Variants in GABRG3 observed in about 807,000 individuals in gnomAD.
The protein encoded by GABRG3 is gamma-aminobutyric acid type A receptor subunit gamma3, also known as gamma-aminobutyric acid receptor subunit gamma-3.
A neutral mutation model predicts 48.8 loss-of-function variants in GABRG3; 25 were observed. That is an observed-to-expected ratio of 0.51 (90% CI 0.37 to 0.72). The LOEUF is 0.72. Among genes scored for constraint, GABRG3 ranks in the 30% least tolerant of loss-of-function variants. GABRG3 has a pLI of 0.00. For synonymous variants in GABRG3, 227 were observed against 217.6 expected (o/e 1.04, Z -0.38); for missense variants, 394 against 577.9 (o/e 0.68, Z 3.26).
intron 3 of GABRG3, among the ~76,000 whole-genome samples, chr15:27,308,414 A>T (rs932653240): frequency 6.8e-6 from 1 of 146,454 alleles, no homozygotes. Context: ...ACATATATAA[A>T]CATGTAATGT....
At chr15:27,451,702 C>G in intron 5 of GABRG3, among the ~76,000 whole-genome samples, 1 of 152,134 alleles carries the variant, frequency 6.6e-6, no homozygotes, top group East Asian at 1.9e-4. Context: ...TTATATCAAA[C>G]TAAAAACCTG....
intron 2 of GABRG3, among the ~76,000 whole-genome samples, chr15:27,003,725 A>G (rs1378802825): frequency 1.3e-5 from 2 of 151,946 alleles, no homozygotes; most frequent in African/African-American, 2.4e-5. Flanking sequence ...CCCGTTCTCA[A>G]TGAGCTGTTG....
chr15:27,349,015 G>A (rs1036138896), intron 5 of GABRG3, among the ~76,000 whole-genome samples: 15 of 152,178 alleles, frequency 9.9e-5, no homozygotes, highest in African/African-American at 3.1e-4. Flanking sequence ...GACAGTTGGT[G>A]TCAGATGGTT....
chr15:27,443,669 T>C (rs1282117084), intron 5 of GABRG3, among the ~76,000 whole-genome samples: 3 of 152,188 alleles, frequency 2.0e-5, no homozygotes, highest in Non-Finnish European at 4.4e-5. Flanking sequence ...CTTTCTAGAA[T>C]GTCCAGCATA....
intron 6 of GABRG3, among the ~76,000 whole-genome samples, chr15:27,510,481 G>T (rs1237702759): frequency 6.6e-6 from 1 of 152,122 alleles, no homozygotes; most frequent in Admixed American, 6.5e-5. Flanking sequence ...GCTTCACAGG[G>T]GACACAATGA....
intron 3 of GABRG3, among the ~76,000 whole-genome samples, chr15:27,110,367 C>A (rs1435122247): frequency 1.3e-5 from 2 of 152,066 alleles, no homozygotes; most frequent in Non-Finnish European, 2.9e-5. Flanking sequence ...TATACTAATA[C>A]ATTGTTACTG....
chr15:27,523,344 T>A (rs1891201026), intron 7 of GABRG3, among the ~76,000 whole-genome samples: 1 of 151,772 alleles, frequency 6.6e-6, no homozygotes, highest in African/African-American at 2.4e-5. Flanking sequence ...TCTCCTCTTT[T>A]TATGCATTTG....
intron 5 of GABRG3, among the ~76,000 whole-genome samples, chr15:27,425,475 G>T (rs887502692): frequency 6.6e-6 from 1 of 150,708 alleles, no homozygotes; most frequent in Non-Finnish European, 1.5e-5. Context: ...AATAGGCGTG[G>T]TGGTGGGCGC....
intron 3 of GABRG3, among the ~76,000 whole-genome samples, chr15:27,226,021 G>A (rs929721309): frequency 3.6e-4 from 55 of 152,180 alleles, no homozygotes; most frequent in African/African-American, 1.3e-3. Flanking sequence ...GCAGGCACAG[G>A]CACAGAAATG....
chr15:27,078,185 C>T (rs1291384958), intron 3 of GABRG3, among the ~76,000 whole-genome samples: 1 of 152,130 alleles, frequency 6.6e-6, no homozygotes, highest in Non-Finnish European at 1.5e-5. Flanking sequence ...GACTAGGCTT[C>T]CCCAATGTGA....
intron 5 of GABRG3, among the ~76,000 whole-genome samples, chr15:27,403,914 C>CAAAAAAAAAAA (rs528760544): frequency 3.5e-4 from 24 of 68,202 alleles, no homozygotes; most frequent in African/African-American, 7.4e-4. Flanking sequence ...CAAAAAAAAA[C>CAAAAAAAAAAA]AAAAAAAAAA....
chr15:27,515,109 G>A (rs956502151), intron 6 of GABRG3, among the ~76,000 whole-genome samples: 6 of 151,382 alleles, frequency 4.0e-5, no homozygotes, highest in African/African-American at 1.2e-4. Flanking sequence ...TTGAGACGGA[G>A]TTTTGCTCTC....
intron 2 of GABRG3, among the ~76,000 whole-genome samples, chr15:26,985,348 C>CAAG (rs1895132090): frequency 6.6e-6 from 1 of 152,240 alleles, no homozygotes; most frequent in Non-Finnish European, 1.5e-5. Context: ...CTGCCCGTTC[C>CAAG]TGGATGAGGA....
chr15:27,379,365 G>A (rs566950985), intron 5 of GABRG3, among the ~76,000 whole-genome samples: 19 of 152,186 alleles, frequency 1.2e-4, no homozygotes, highest in African/African-American at 2.9e-4. Flanking sequence ...TCTCCCATCC[G>A]TTACTACATT....
intron 6 of GABRG3, among the ~76,000 whole-genome samples, chr15:27,482,031 A>C (rs1037512814): frequency 1.3e-5 from 2 of 152,192 alleles, no homozygotes; most frequent in Non-Finnish European, 1.5e-5. Context: ...AAGGAAATGC[A>C]AAGTTAAGCT....
intron 3 of GABRG3, among the ~76,000 whole-genome samples, chr15:27,087,194 C>T (rs138727187): frequency 3.3e-5 from 5 of 152,178 alleles, no homozygotes; most frequent in African/African-American, 9.7e-5. Flanking sequence ...CACTTGACAT[C>T]GAGCGAGGCT....
At chr15:27,133,504 G>T (rs766856951) in intron 3 of GABRG3, among the ~76,000 whole-genome samples, 65 of 152,114 alleles carry the variant, frequency 4.3e-4, no homozygotes, top group Non-Finnish European at 7.1e-4. Context: ...GCTCAATCCT[G>T]AGCTATGAAT....
At chr15:27,047,631 C>G (rs1896386583) in intron 3 of GABRG3, among the ~76,000 whole-genome samples, 1 of 152,180 alleles carries the variant, frequency 6.6e-6, no homozygotes, top group South Asian at 2.1e-4. Flanking sequence ...TAAAGTTTTT[C>G]AGATTTATAC....
At chr15:27,387,798 AAAG>A (rs1345299171) in intron 5 of GABRG3, among the ~76,000 whole-genome samples, 8 of 124,100 alleles carry the variant, frequency 6.4e-5, no homozygotes, top group Non-Finnish European at 1.3e-4. Flanking sequence ...CAGTGCTGAG[AAAG>A]AAGGAGGGAG....
Sources: gnomAD v4.1 joint callset for allele counts (sites outside exome capture counted in the v4.1 genomes callset) on GRCh38, gnomAD v4.1.1 for gene constraint, MANE v1.5 for transcripts, NCBI Gene and HGNC (gene_info 2026-07-23, HGNC 2026-07-21) for gene names.